The following CADM2 variants were observed in gnomAD, a reference collection of about 807,000 sequenced individuals.
CADM2 encodes cell adhesion molecule 2.
In CADM2, 12 loss-of-function variants were observed where a neutral mutation model predicts 49.8. The observed-to-expected ratio is 0.24, with a 90% CI of 0.15 to 0.39. CADM2 has a LOEUF of 0.39. Ranked by LOEUF, CADM2 falls within the 10% of genes least tolerant of loss-of-function variation. The probability of loss-of-function intolerance (pLI) is 1.00; values close to 1 mark genes in which losing one functional copy is unlikely to be tolerated. For synonymous variants in CADM2, 214 were observed against 175.4 expected, an observed-to-expected ratio of 1.22 and a Z score of -1.74; for missense variants, 378 against 492.3, an observed-to-expected ratio of 0.77 and a Z score of 2.20.
chr3:85,611,562 T>C (rs553138672), intron 1 of CADM2, among the ~76,000 whole-genome samples: 1 of 151,588 alleles, frequency 6.6e-6, no homozygotes, highest in Admixed American at 6.6e-5. Flanking sequence ...CTCTTAAACA[T>C]ATAGCAATAA....
intron 1 of CADM2, among the ~76,000 whole-genome samples, chr3:85,175,080 C>A (rs541410185): frequency 6.6e-6 from 1 of 152,138 alleles, no homozygotes; most frequent in South Asian, 2.1e-4. Context: ...TGAGATAATA[C>A]TTCACACTCA....
At chr3:85,417,748 A>T (rs2035978659) in intron 1 of CADM2, among the ~76,000 whole-genome samples, 2 of 152,162 alleles carry the variant, frequency 1.3e-5, no homozygotes, top group Admixed American at 1.3e-4. Context: ...GTTGGACTAG[A>T]TTACTTCTGA....
At chr3:85,257,213 T>C (rs561498022) in intron 1 of CADM2, among the ~76,000 whole-genome samples, 145 of 152,258 alleles carry the variant, frequency 9.5e-4, no homozygotes, top group African/African-American at 3.4e-3. Context: ...AAACCATGTT[T>C]TTATTTCTGA....
At chr3:85,852,112 T>C (rs926287566) in intron 3 of CADM2, among the ~76,000 whole-genome samples, 1 of 152,128 alleles carries the variant, frequency 6.6e-6, no homozygotes, top group Admixed American at 6.5e-5. Context: ...TTCTAATCTG[T>C]AATGAGTTGG....
intron 8 of CADM2, chr3:85,979,128 A>G (rs1727152392): frequency 1.3e-6 from 2 of 1,597,830 alleles, no homozygotes; most frequent in Non-Finnish European, 8.6e-7. Flanking sequence ...TGTTTGCATG[A>G]TATGATTTTG....
intron 1 of CADM2, among the ~76,000 whole-genome samples, chr3:85,056,836 A>C (rs926528200): frequency 3.3e-5 from 5 of 152,126 alleles, no homozygotes; most frequent in African/African-American, 1.2e-4. Flanking sequence ...CTTCATATAG[A>C]CGCTGAAAAA....
At chr3:85,342,912 C>T (rs1167215173) in intron 1 of CADM2, among the ~76,000 whole-genome samples, 1 of 152,172 alleles carries the variant, frequency 6.6e-6, no homozygotes, top group Non-Finnish European at 1.5e-5. Context: ...TTATATGCTA[C>T]AAACTGAACT....
intron 3 of CADM2, among the ~76,000 whole-genome samples, chr3:85,837,885 G>A (rs1173078428): frequency 1.3e-5 from 2 of 151,680 alleles, no homozygotes; most frequent in Non-Finnish European, 2.9e-5. Context: ...TGTGATAAAA[G>A]TATGCTGCAT....
intron 1 of CADM2, among the ~76,000 whole-genome samples, chr3:85,419,656 C>T (rs1406561853): frequency 6.6e-6 from 1 of 152,132 alleles, no homozygotes; most frequent in East Asian, 1.9e-4. Context: ...AAACTTCTAT[C>T]ATATTAGGAC....
chr3:85,912,550 A>G lies in CADM2; in HGVS notation c.700+7A>G, dbSNP rs761804143. The G allele has an allele frequency of 1.2e-6, 2 of 1,610,590 alleles. No individual in the cohort carries two copies. Among genetic ancestry groups the G allele is most frequent in the South Asian group, 2.2e-5 (2 of 90,540 alleles). The stretch of plus-strand genomic sequence containing the variant: ...CAGGTGCTAGAAATACACTGTAAGT[A>G]AACACTACTTCCCCCTCCTTTATCT... On this transcript the variant is annotated splice_region_variant and intron_variant, in intron 6 of 9. Coordinates refer to ENST00000383699, the MANE Select transcript of CADM2 (RefSeq NM_001167675.2).
At chr3:85,882,380 A>G (rs1176302095) in intron 3 of CADM2, among the ~76,000 whole-genome samples, 1 of 152,084 alleles carries the variant, frequency 6.6e-6, no homozygotes, top group African/African-American at 2.4e-5. Context: ...CAGCAATAAA[A>G]ATGAGTCTAC....
chr3:85,986,045 T>G lies in CADM2; in HGVS notation c.970+24398T>G, dbSNP rs141774382. 2.4e-4 allele frequency among the ~76,000 whole-genome samples: 37 copies of G among 152,152 alleles called. No homozygotes were observed. The East Asian group carries it at 6.4e-3, about 26-fold the overall frequency. On this transcript the variant is annotated intron_variant, in intron 8 of 9. Coordinates refer to ENST00000383699, the MANE Select transcript of CADM2 (RefSeq NM_001167675.2). Reference sequence around the variant, plus strand: ...CAAACACCACATGACATATGTGCACTTCAAACCACTGTCTGAAGCATTTAT... The same window carrying G: ...CAAACACCACATGACATATGTGCACGTCAAACCACTGTCTGAAGCATTTAT...
At chr3:85,415,649 A>G (rs1234847706) in intron 1 of CADM2, among the ~76,000 whole-genome samples, 1 of 152,178 alleles carries the variant, frequency 6.6e-6, no homozygotes, top group African/African-American at 2.4e-5. Context: ...TTTTCCTAAC[A>G]TTGCACATTT....
At chr3:85,251,151 G>A (rs2042764595) in intron 1 of CADM2, among the ~76,000 whole-genome samples, 1 of 151,504 alleles carries the variant, frequency 6.6e-6, no homozygotes, top group Non-Finnish European at 1.5e-5. Context: ...TATTGAATAT[G>A]CATTTTTTCA....
intron 1 of CADM2, among the ~76,000 whole-genome samples, chr3:85,009,427 T>C (rs979600741): frequency 7.2e-5 from 11 of 152,214 alleles, no homozygotes; most frequent in African/African-American, 1.9e-4. Flanking sequence ...TGGGTATCTT[T>C]GGATAACTCA....
intron 1 of CADM2, among the ~76,000 whole-genome samples, chr3:85,603,543 ATTC>A (rs1353235559): frequency 6.6e-6 from 1 of 151,730 alleles, no homozygotes; most frequent in Non-Finnish European, 1.5e-5. Context: ...TGAACTAAAC[ATTC>A]TTTTTTTTCC....
chr3:85,070,610 T>C (rs9838160), intron 1 of CADM2, among the ~76,000 whole-genome samples: 136 of 152,190 alleles, frequency 8.9e-4, no homozygotes, highest in African/African-American at 3.0e-3. Flanking sequence ...GAAAGTTAAA[T>C]AGAACAAAAA....
intron 3 of CADM2, among the ~76,000 whole-genome samples, chr3:85,833,784 A>T (rs1395258727): frequency 6.6e-6 from 1 of 151,590 alleles, no homozygotes; most frequent in Non-Finnish European, 1.5e-5. Flanking sequence ...CTATATCATC[A>T]TCATCAGAAA....
At chr3:85,801,447 G>A (rs921383811) in intron 2 of CADM2, among the ~76,000 whole-genome samples, 9 of 152,002 alleles carry the variant, frequency 5.9e-5, no homozygotes, top group African/African-American at 2.2e-4. Flanking sequence ...AGTTTGAATG[G>A]ATATTCTACA....
Sources: allele counts gnomAD v4.1 joint callset (sites outside exome capture counted in the v4.1 genomes callset), GRCh38; gene constraint gnomAD v4.1.1; transcripts MANE v1.5; gene names NCBI Gene and HGNC (gene_info 2026-07-23, HGNC 2026-07-21).